Variants in LRRC63 observed in about 807,000 individuals in gnomAD.
LRRC63 encodes leucine rich repeat containing 63, also known as leucine-rich repeat-containing protein 63.
In LRRC63, 40 loss-of-function variants were observed where a neutral mutation model predicts 49.5. That is an observed-to-expected ratio of 0.81 (90% CI 0.63 to 1.05). LRRC63 has a LOEUF of 1.05. Among genes scored for constraint, LRRC63 ranks in the 50% least tolerant of loss-of-function variants. The pLI, the probability that LRRC63 is intolerant of heterozygous loss-of-function variation, is 0.00. For synonymous variants in LRRC63, 191 were observed against 221.1 expected, an observed-to-expected ratio of 0.86 and a Z score of 1.21; for missense variants, 636 against 663.1, an observed-to-expected ratio of 0.96 and a Z score of 0.45.
chr13:46,221,531 T>A (rs2046407503), intron 2 of LRRC63, among the ~76,000 whole-genome samples: 2 of 152,192 alleles, frequency 1.3e-5, no homozygotes, highest in South Asian at 2.1e-4. Flanking sequence ...GGAAATTAAC[T>A]CTGAAGACTA....
At chr13:46,217,759 CCT>C (rs2046294446) in intron 2 of LRRC63, among the ~76,000 whole-genome samples, 1 of 152,134 alleles carries the variant, frequency 6.6e-6, no homozygotes, top group African/African-American at 2.4e-5. Context: ...TATAAATTTC[CCT>C]CTACACACTG....
At chr13:46,217,036 C>G (rs927372065) in intron 2 of LRRC63, among the ~76,000 whole-genome samples, 3 of 152,138 alleles carry the variant, frequency 2.0e-5, no homozygotes, top group Non-Finnish European at 4.4e-5. Context: ...ATTTTCACAT[C>G]GATGTTCATC....
chr13:46,255,198 A>G (rs996383337), intron 7 of LRRC63, among the ~76,000 whole-genome samples: 3 of 152,148 alleles, frequency 2.0e-5, no homozygotes, highest in African/African-American at 4.8e-5. Flanking sequence ...GTGCTTATAT[A>G]AGGTACCTAG....
At chr13:46,227,971 C>T in exon 3 of LRRC63, 1 of 1,550,866 alleles carries the variant, frequency 6.4e-7, no homozygotes, top group Non-Finnish European at 8.7e-7. Context: ...CAACCTTTAC[C>T]AGAGAGTCCA....
chr13:46,261,954 T>C, exon 8 of LRRC63: 1 of 1,181,722 alleles, frequency 8.5e-7, no homozygotes, highest in Non-Finnish European at 1.1e-6. Flanking sequence ...TTTCCTATAA[T>C]GAACTTACTT....
chr13:46,270,686 G>T (rs1423355608), intron 9 of LRRC63: 1 of 686,268 alleles, frequency 1.5e-6, no homozygotes, highest in South Asian at 1.5e-5. Flanking sequence ...ATCAGTGCAC[G>T]AAAGGAGAAG....
intron 5 of LRRC63, among the ~76,000 whole-genome samples, chr13:46,237,658 G>C (rs181337855): frequency 2.2e-4 from 33 of 152,120 alleles, no homozygotes. Context: ...TGGAAACAAA[G>C]ATAGGTTATT....
At chr13:46,239,518 C>T (rs750235376) in intron 5 of LRRC63, among the ~76,000 whole-genome samples, 1 of 152,144 alleles carries the variant, frequency 6.6e-6, no homozygotes, top group African/African-American at 2.4e-5. Context: ...CAAAAAAAGC[C>T]CAGTGCTACA....
chr13:46,264,908 G>C (rs906768207), intron 8 of LRRC63, among the ~76,000 whole-genome samples: 1 of 152,146 alleles, frequency 6.6e-6, no homozygotes, highest in Non-Finnish European at 1.5e-5. Context: ...TGTAATCCTA[G>C]CACTTTGGGA....
chr13:46,214,047 A>T (rs1473583922), intron 2 of LRRC63, among the ~76,000 whole-genome samples: 1 of 150,174 alleles, frequency 6.7e-6, no homozygotes, highest in Admixed American at 6.7e-5. Flanking sequence ...TTTTATAACT[A>T]TAACTTTATC....
chr13:46,253,587 T>A (rs2047438538), intron 7 of LRRC63, among the ~76,000 whole-genome samples: 1 of 152,036 alleles, frequency 6.6e-6, no homozygotes, highest in East Asian at 1.9e-4. Flanking sequence ...AAAAGAATAT[T>A]CATGCAGTGG....
At chr13:46,244,345 G>A (rs762024828) in intron 5 of LRRC63, among the ~76,000 whole-genome samples, 6 of 152,094 alleles carry the variant, frequency 3.9e-5, no homozygotes, top group Non-Finnish European at 8.8e-5. Flanking sequence ...GGGTGGTTGT[G>A]TTAAGGCACA....
chr13:46,260,385 A>G (rs2047595100), intron 7 of LRRC63, among the ~76,000 whole-genome samples: 1 of 152,234 alleles, frequency 6.6e-6, no homozygotes, highest in Non-Finnish European at 1.5e-5. Context: ...AGTCAGTCTC[A>G]TTAACTTCTC....
chr13:46,220,954 G>A lies in LRRC63; in HGVS notation c.86-6558G>A, dbSNP rs1315862294. On this transcript the variant is annotated intron_variant, in intron 2 of 9. Transcript: ENST00000595396. ...TATTGGGAAGATTTCTTTAAGCATC[G>A]CTTCTCTACCCAATCAGACTGCCTT... 3.3e-5 allele frequency among the ~76,000 whole-genome samples: 5 copies of A among 152,082 alleles called. No individual in the cohort carries two copies. The East Asian group carries it at 7.7e-4, about 23-fold the overall frequency.
chr13:46,247,465 C>G (rs969174195), intron 6 of LRRC63, among the ~76,000 whole-genome samples: 31 of 152,088 alleles, frequency 2.0e-4, no homozygotes, highest in African/African-American at 7.5e-4. Context: ...CCAAAGAAAA[C>G]TCCATCCACT....
chr13:46,265,444 A>G lies in LRRC63; in HGVS notation c.1311-1289A>G, dbSNP rs114937577. 8.2e-3 allele frequency among the ~76,000 whole-genome samples: 1,245 copies of G among 152,308 alleles called. 22 individuals are homozygous for G. Among genetic ancestry groups the G allele is most frequent in the African/African-American group, 0.028 (1,171 of 41,550 alleles). On this transcript the variant is annotated intron_variant, in intron 8 of 9. Coordinates refer to ENST00000595396, the Ensembl canonical transcript of LRRC63. ...AGAAATTTATTTCCCACAGGCTGGG[A>G]AGTCCAATATCAAGGCCCCAGCAGA...
At chr13:46,262,242 CTGTG>C (rs1024541121) in intron 8 of LRRC63, among the ~76,000 whole-genome samples, 1 of 152,080 alleles carries the variant, frequency 6.6e-6, no homozygotes, top group African/African-American at 2.4e-5. Flanking sequence ...GTCCATTTGT[CTGTG>C]TGTGTACCTG....
intron 5 of LRRC63, among the ~76,000 whole-genome samples, chr13:46,240,320 G>T (rs2047025015): frequency 6.6e-6 from 1 of 151,722 alleles, no homozygotes; most frequent in Non-Finnish European, 1.5e-5. Flanking sequence ...GTAGAGACAG[G>T]GTTTCACTGT....
At chr13:46,231,517 CTTTTTTT>C (rs967544918) in intron 4 of LRRC63, among the ~76,000 whole-genome samples, 4 of 144,234 alleles carry the variant, frequency 2.8e-5, no homozygotes, top group African/African-American at 7.6e-5. Flanking sequence ...TTTCTTTTTT[CTTTTTTT>C]TTTTAGACAG....
Sources: gnomAD v4.1 joint callset for allele counts (sites outside exome capture counted in the v4.1 genomes callset) on GRCh38, gnomAD v4.1.1 for gene constraint, MANE v1.5 for transcripts, NCBI Gene and HGNC (gene_info 2026-07-23, HGNC 2026-07-21) for gene names.